The following LRP1B variants were observed in gnomAD, a reference collection of about 807,000 sequenced individuals.
The protein encoded by LRP1B is low-density lipoprotein receptor-related protein 1B.
LRP1B carries 217 observed loss-of-function variants against 556.6 expected under a neutral mutation model. The observed-to-expected ratio is 0.39, with a 90% CI of 0.35 to 0.44. The LOEUF is 0.44. Among genes scored for constraint, LRP1B ranks in the 20% least tolerant of loss-of-function variants. The pLI, the probability that LRP1B is intolerant of heterozygous loss-of-function variation, is 1.00. For missense variants in LRP1B, 5,053 were observed against 5,620.8 expected (o/e 0.90, Z 3.23); for synonymous variants, 2,047 against 1,865.8 (o/e 1.10, Z -2.50).
chr2:142,009,570 T>C (rs1574589106), intron 1 of LRP1B, among the ~76,000 whole-genome samples: 1 of 151,742 alleles, frequency 6.6e-6, no homozygotes, highest in African/African-American at 2.4e-5. Flanking sequence ...AAAACTTCAC[T>C]TCTAAAAAGA....
At chr2:141,990,663 C>T (rs1702318204) in intron 1 of LRP1B, among the ~76,000 whole-genome samples, 4 of 151,928 alleles carry the variant, frequency 2.6e-5, no homozygotes, top group Admixed American at 2.6e-4. Flanking sequence ...GTTAAGACAA[C>T]AACTATAATT....
intron 41 of LRP1B, among the ~76,000 whole-genome samples, chr2:140,692,626 T>C (rs552742449): frequency 1.6e-4 from 25 of 152,264 alleles, no homozygotes; most frequent in Non-Finnish European, 2.5e-4. Flanking sequence ...TTTCCTTTTC[T>C]GTCCCCTAGC....
chr2:140,288,402 C>T (rs1237878719), intron 84 of LRP1B, among the ~76,000 whole-genome samples: 2 of 151,698 alleles, frequency 1.3e-5, no homozygotes, highest in African/African-American at 4.8e-5. Flanking sequence ...TTAAAGATTT[C>T]TGACTCAGCA....
chr2:142,028,139 C>G (rs1446831018), intron 1 of LRP1B, among the ~76,000 whole-genome samples: 1 of 151,922 alleles, frequency 6.6e-6, no homozygotes, highest in African/African-American at 2.4e-5. Flanking sequence ...AGAGATTGCT[C>G]TTGTCTTAAG....
intron 1 of LRP1B, among the ~76,000 whole-genome samples, chr2:141,845,548 G>T (rs1414335216): frequency 6.6e-6 from 1 of 151,862 alleles, no homozygotes; most frequent in Admixed American, 6.6e-5. Flanking sequence ...AGTTTAGGGG[G>T]ACTGCAGTGT....
chr2:142,126,531 T>C lies in LRP1B; in HGVS notation c.82+4117A>G, dbSNP rs374997993. 7.1e-4 allele frequency among the ~76,000 whole-genome samples: 108 copies of C among 152,002 alleles called. 2 individuals carry two copies. In the South Asian group the frequency reaches 0.022, roughly 30 times the overall value. ...GAATGATATCATGTTGGCACAGGCA[T>C]GTTTAACTTTTAGGATTAATTCTAC... On this transcript the variant is annotated intron_variant, in intron 1 of 90. Coordinates refer to ENST00000389484, the MANE Select transcript of LRP1B (RefSeq NM_018557.3).
chr2:140,457,724 G>T lies in LRP1B; in HGVS notation c.9626-73C>A, dbSNP rs919615048. 6 of 1,197,298 alleles carry T rather than the reference G, an allele frequency of 5.0e-6. No individual in the cohort carries two copies. The African/African-American group carries it at 7.5e-5, about 15-fold the overall frequency. The allele number at this position is 1,197,298 out of a possible 1,614,324, so 74.2% of individuals were successfully genotyped here. A position where few individuals can be genotyped will look rare whatever the true frequency, so the allele number is the denominator to read the frequency against. On this transcript the variant is annotated intron_variant, in intron 60 of 90. Transcript: ENST00000389484. ...AGTTAAAATATTCAATACTACATGG[G>T]CTGACAGATACAACTGCTACATAAC...
At chr2:141,642,083 C>T (rs904239654) in intron 2 of LRP1B, among the ~76,000 whole-genome samples, 2 of 151,970 alleles carry the variant, frequency 1.3e-5, no homozygotes, top group African/African-American at 2.4e-5. Flanking sequence ...GTTATATGAC[C>T]GTAGATTTAA....
At chr2:140,840,729 G>C (rs1692074916) in intron 30 of LRP1B, among the ~76,000 whole-genome samples, 189 bp downstream of exon 30, 1 of 151,964 alleles carries the variant, frequency 6.6e-6, no homozygotes, top group Admixed American at 6.6e-5. Context: ...TGTTGGTGTA[G>C]GATATATATA....
At chr2:141,799,830 G>GTGTT (rs542042686) in intron 2 of LRP1B, among the ~76,000 whole-genome samples, 22 of 151,800 alleles carry the variant, frequency 1.4e-4, no homozygotes, top group African/African-American at 5.1e-4. Flanking sequence ...GTGTGTGTGT[G>GTGTT]TATGACAGAG....
chr2:140,880,375 C>T (rs1693436431), intron 25 of LRP1B, among the ~76,000 whole-genome samples: 1 of 152,016 alleles, frequency 6.6e-6, no homozygotes, highest in Admixed American at 6.6e-5. Flanking sequence ...TTCAGGTCAC[C>T]TTAGCAATAA....
rs149957295 is a variant in LRP1B, at chr2:141,123,267, A to G, written c.1014-60994T>C. The stretch of plus-strand genomic sequence containing the variant: ...AAAAAAAAATAAATAAATAAATAAA[A>G]AAAAGAAAGTAAATCCTTAAAACAA... On this transcript the variant is annotated intron_variant, in intron 7 of 90. Coordinates refer to ENST00000389484, the MANE Select transcript of LRP1B (RefSeq NM_018557.3). Among the ~76,000 whole-genome samples, 21 of 151,682 alleles carry G rather than the reference A, an allele frequency of 1.4e-4. 1 individual carries two copies. Among genetic ancestry groups the G allele is most frequent in the African/African-American group, 4.8e-4 (20 of 41,444 alleles).
intron 34 of LRP1B, 108 bp from the exon 35 acceptor site, chr2:140,769,452 A>C (rs1689229433): frequency 8.7e-7 from 1 of 1,144,892 alleles, no homozygotes; most frequent in Admixed American, 3.1e-5. Context: ...TTATGTTAAC[A>C]AATGTATTTC....
chr2:140,966,293 C>T (rs1696219117), intron 18 of LRP1B, among the ~76,000 whole-genome samples: 1 of 152,212 alleles, frequency 6.6e-6, no homozygotes, highest in Non-Finnish European at 1.5e-5. Context: ...ATTTGCATTT[C>T]TCTGATGGCC....
At chr2:140,371,487 T>C (rs542064885) in intron 69 of LRP1B, among the ~76,000 whole-genome samples, 5 of 151,848 alleles carry the variant, frequency 3.3e-5, no homozygotes, top group Admixed American at 6.6e-5. Flanking sequence ...TATTGCATTA[T>C]ATTAAATATA....
chr2:140,651,881 A>T (rs1684701627), intron 41 of LRP1B, among the ~76,000 whole-genome samples: 1 of 152,178 alleles, frequency 6.6e-6, no homozygotes. Flanking sequence ...ATAACACTGG[A>T]AAATAGATAA....
intron 82 of LRP1B, among the ~76,000 whole-genome samples, chr2:140,319,570 GA>G (rs1445594578): frequency 6.6e-6 from 1 of 152,140 alleles, no homozygotes; most frequent in East Asian, 1.9e-4. Flanking sequence ...GGAGCTAAAT[GA>G]TGAGAATGCA....
intron 3 of LRP1B, among the ~76,000 whole-genome samples, chr2:141,399,954 A>G (rs889784010): frequency 1.3e-5 from 2 of 152,080 alleles, no homozygotes; most frequent in African/African-American, 4.8e-5. Flanking sequence ...TACACATTTC[A>G]TCTACATTAT....
chr2:140,374,744 C>A (rs1056986213), intron 68 of LRP1B, among the ~76,000 whole-genome samples: 1 of 152,026 alleles, frequency 6.6e-6, no homozygotes, highest in Admixed American at 6.6e-5. Context: ...GGATAAAGAT[C>A]ATGCCTGTCT....
Sources: allele counts gnomAD v4.1 joint callset (sites outside exome capture counted in the v4.1 genomes callset), GRCh38; gene constraint gnomAD v4.1.1; transcripts MANE v1.5; gene names NCBI Gene and HGNC (gene_info 2026-07-23, HGNC 2026-07-21).